The following PTPRN2 variants were observed in gnomAD, a reference collection of about 807,000 sequenced individuals.
The protein encoded by PTPRN2 is receptor-type tyrosine-protein phosphatase N2.
In PTPRN2, 74 loss-of-function variants were observed where a neutral mutation model predicts 118.8. That is an observed-to-expected ratio of 0.62 (90% CI 0.52 to 0.76). The LOEUF (loss-of-function observed/expected upper bound fraction) is 0.76. PTPRN2 is among the 30% of genes least tolerant of loss of function. The probability of loss-of-function intolerance (pLI) is 0.00; values close to 1 mark genes in which losing one functional copy is unlikely to be tolerated. For synonymous variants in PTPRN2, 641 were observed against 608.0 expected, an observed-to-expected ratio of 1.05 and a Z score of -0.80; for missense variants, 1,481 against 1,394.4, an observed-to-expected ratio of 1.06 and a Z score of -0.99.
intron 3 of PTPRN2, among the ~76,000 whole-genome samples, chr7:158,315,612 T>G (rs1279590066): frequency 6.6e-6 from 1 of 152,210 alleles, no homozygotes; most frequent in Non-Finnish European, 1.5e-5. Flanking sequence ...GCAGTGCACC[T>G]GGCTGGTGAT....
intron 11 of PTPRN2, among the ~76,000 whole-genome samples, chr7:157,921,946 C>T (rs4716807): frequency 0.54 from 81,127 of 151,532 alleles, 22,060 homozygotes; most frequent in Admixed American, 0.63. Flanking sequence ...AGAGACGGGG[C>T]GTGGAGTGGA....
intron 11 of PTPRN2, among the ~76,000 whole-genome samples, chr7:158,078,503 C>T (rs1403516493): frequency 6.6e-6 from 1 of 152,276 alleles, no homozygotes; most frequent in Non-Finnish European, 1.5e-5. Context: ...TCTTTTAAAA[C>T]ACAAACCATA....
chr7:158,319,611 G>T (rs1187539739), intron 2 of PTPRN2, among the ~76,000 whole-genome samples: 1 of 6,924 alleles, frequency 1.4e-4, no homozygotes, highest in Non-Finnish European at 3.0e-4. Flanking sequence ...AGCCTCCCTT[G>T]TACACACACA....
chr7:158,367,737 C>T (rs1469913058), intron 2 of PTPRN2, among the ~76,000 whole-genome samples: 4 of 152,178 alleles, frequency 2.6e-5, no homozygotes, highest in Admixed American at 6.5e-5. Flanking sequence ...CCATGGCTAT[C>T]AGAATGAAGG....
At chr7:157,755,531 A>T (rs1801730139) in intron 12 of PTPRN2, among the ~76,000 whole-genome samples, 3 of 152,144 alleles carry the variant, frequency 2.0e-5, no homozygotes, top group Admixed American at 2.0e-4. Flanking sequence ...TACACCGTGG[A>T]ATACTATGCA....
intron 12 of PTPRN2, among the ~76,000 whole-genome samples, chr7:157,722,445 G>A (rs920454980): frequency 5.3e-5 from 8 of 152,118 alleles, no homozygotes; most frequent in South Asian, 2.1e-4. Context: ...GGGACCCAGC[G>A]CCCATGTCGG....
At chr7:158,326,742 G>GCACGTTTCACACATGCT (rs1803579916) in intron 2 of PTPRN2, among the ~76,000 whole-genome samples, 1 of 141,780 alleles carries the variant, frequency 7.1e-6, no homozygotes, top group African/African-American at 2.7e-5. Flanking sequence ...TCACACACAT[G>GCACGTTTCACACATGCT]CACATTCTCA....
intron 3 of PTPRN2, among the ~76,000 whole-genome samples, chr7:158,252,947 G>A (rs904331958): frequency 1.3e-5 from 2 of 152,080 alleles, no homozygotes; most frequent in South Asian, 4.1e-4. Context: ...CCCTTGGGCT[G>A]GCGGAGTGAG....
chr7:157,656,480 G>A lies in PTPRN2; in HGVS notation c.2073C>T (p.Ser691=). The change falls in exon 14 of 23, where the codon AGC becomes AGT. Residue 691 remains serine (S), a synonymous_variant. Coordinates refer to ENST00000389418, the MANE Select transcript of PTPRN2 (RefSeq NM_002847.5). ...CGTCGCTGAACTGGGATGAGACGCT[G>A]CTGATGCGTGACGTGTGCGGGCCCT... ...RPEGPHTSRI[S]SVSSQFSDGP... The A allele has an allele frequency of 6.4e-7, 1 of 1,554,902 alleles. No homozygotes were observed. The highest frequency in any genetic ancestry group is 1.2e-5 in the South Asian group (1 of 84,774).
chr7:158,184,340 C>T (rs942372268), intron 5 of PTPRN2, among the ~76,000 whole-genome samples: 5 of 152,054 alleles, frequency 3.3e-5, no homozygotes, highest in African/African-American at 1.2e-4. Flanking sequence ...TTAGATTCAA[C>T]CTCAATTATT....
intron 12 of PTPRN2, among the ~76,000 whole-genome samples, chr7:157,789,675 CATGTATGTGT>C (rs1804308254): frequency 3.2e-5 from 1 of 31,608 alleles, no homozygotes; most frequent in Non-Finnish European, 5.1e-5. Context: ...GGTATGTGTG[CATGTATGTGT>C]GTGGGGGTAT....
intron 15 of PTPRN2, among the ~76,000 whole-genome samples, chr7:157,613,003 G>A (rs1210742190): frequency 6.6e-6 from 1 of 152,210 alleles, no homozygotes; most frequent in East Asian, 1.9e-4. Context: ...CACTGACAGG[G>A]AGAGTCCCTG....
At chr7:158,491,240 G>T (rs1233707481) in intron 1 of PTPRN2, among the ~76,000 whole-genome samples, 1 of 152,212 alleles carries the variant, frequency 6.6e-6, no homozygotes, top group East Asian at 1.9e-4. Context: ...TCTCACAACA[G>T]CTTCACGAGC....
At chr7:158,071,585 GGTGGAGGTGCTCC>G (rs1563392193) in intron 11 of PTPRN2, among the ~76,000 whole-genome samples, 25 of 115,338 alleles carry the variant, frequency 2.2e-4, no homozygotes, top group South Asian at 6.4e-4. Flanking sequence ...AGGTGCTCCT[GGTGGAGGTGCTCC>G]TGGTGGAGGT....
chr7:158,573,087 T>G (rs148509387), intron 1 of PTPRN2, among the ~76,000 whole-genome samples: 164 of 152,362 alleles, frequency 1.1e-3, no homozygotes, highest in African/African-American at 3.7e-3. Context: ...AAGAGTCTTC[T>G]GAGGCACACA....
intron 12 of PTPRN2, among the ~76,000 whole-genome samples, chr7:157,758,913 C>T (rs1801971586): frequency 1.3e-5 from 2 of 152,232 alleles, no homozygotes; most frequent in African/African-American, 4.8e-5. Flanking sequence ...TTCCCTGCCA[C>T]GGTACGCCCC....
chr7:158,037,762 C>G (rs768553429), intron 11 of PTPRN2, among the ~76,000 whole-genome samples: 1 of 152,120 alleles, frequency 6.6e-6, no homozygotes, highest in Non-Finnish European at 1.5e-5. Flanking sequence ...ATAAATTTGA[C>G]AAGCTCATCT....
At chr7:158,343,452 T>C (rs1415792412) in intron 2 of PTPRN2, among the ~76,000 whole-genome samples, 1 of 152,094 alleles carries the variant, frequency 6.6e-6, no homozygotes, top group East Asian at 1.9e-4. Context: ...GGCCCTGTGC[T>C]CCGCGGGCAG....
intron 2 of PTPRN2, among the ~76,000 whole-genome samples, chr7:158,340,459 T>A (rs1352752360): frequency 2.0e-5 from 2 of 98,914 alleles, no homozygotes; most frequent in Non-Finnish European, 4.2e-5. Flanking sequence ...CCCGCAGACG[T>A]CACTCACATC....
Sources: allele counts gnomAD v4.1 joint callset (sites outside exome capture counted in the v4.1 genomes callset), GRCh38; gene constraint gnomAD v4.1.1; transcripts MANE v1.5; gene names NCBI Gene and HGNC (gene_info 2026-07-23, HGNC 2026-07-21).